Variants in RAB3B observed in about 807,000 individuals in gnomAD.
RAB3B encodes RAB3B, member RAS oncogene family.
RAB3B carries 11 observed loss-of-function variants against 20.5 expected under a neutral mutation model. The observed-to-expected ratio is 0.54, with a 90% CI of 0.34 to 0.89. The LOEUF is 0.89. RAB3B is among the 40% of genes least tolerant of loss of function. RAB3B has a pLI of 0.02. For missense variants in RAB3B, 225 were observed against 280.9 expected (o/e 0.80, Z 1.42); for synonymous variants, 99 against 106.3 (o/e 0.93, Z 0.42).
intron 2 of RAB3B, among the ~76,000 whole-genome samples, chr1:51,952,909 G>A (rs934012549): frequency 6.6e-6 from 1 of 151,950 alleles, no homozygotes; most frequent in African/African-American, 2.4e-5. Context: ...TCCTACACTG[G>A]CTCCTTATCC....
chr1:51,922,662 A>G (rs1274261162), intron 4 of RAB3B, among the ~76,000 whole-genome samples: 1 of 150,970 alleles, frequency 6.6e-6, no homozygotes, highest in Non-Finnish European at 1.5e-5. Context: ...AGGGTCAATC[A>G]ATAAGCCAGG....
chr1:51,971,680 C>T (rs1323816286), intron 2 of RAB3B, among the ~76,000 whole-genome samples: 6 of 152,096 alleles, frequency 3.9e-5, no homozygotes, highest in East Asian at 3.9e-4. Flanking sequence ...GATCCTCCCA[C>T]CTCAGCCTCC....
chr1:51,977,263 T>A (rs1343570164), intron 1 of RAB3B, 146 bp from the exon 2 acceptor site: 4 of 641,910 alleles, frequency 6.2e-6, no homozygotes, highest in African/African-American at 1.8e-5. Context: ...AATCACCCCA[T>A]CACTACACCT....
intron 3 of RAB3B, 114 bp downstream of exon 3, chr1:51,937,180 C>G (rs891790547): frequency 1.3e-6 from 1 of 768,474 alleles, no homozygotes; most frequent in East Asian, 2.8e-5. Flanking sequence ...ACTCCTGAGG[C>G]CAGTAACCAT....
chr1:51,969,732 A>T (rs1684903107), intron 2 of RAB3B, among the ~76,000 whole-genome samples: 1 of 152,190 alleles, frequency 6.6e-6, no homozygotes. Flanking sequence ...CTTAATAAAA[A>T]CTACGATTTG....
At chr1:51,971,837 G>A (rs1684940956) in intron 2 of RAB3B, among the ~76,000 whole-genome samples, 3 of 152,326 alleles carry the variant, frequency 2.0e-5, no homozygotes, top group African/African-American at 7.2e-5. Flanking sequence ...TTCACGCCCT[G>A]GGCAGGACAG....
At position 51,982,770 on chromosome 1, in the gene RAB3B, A is replaced by G. The variant is rs1205778665; in HGVS notation, c.1-5653T>C. On this transcript the variant is annotated intron_variant, in intron 1 of 4. Transcript: ENST00000371655. ...TCTCAAAAAAATAATAATAATAATA[A>G]TAAATAAAAAATAAAAGAGTCTAAG... Among the ~76,000 whole-genome samples, 7 of 151,770 alleles carry G rather than the reference A, an allele frequency of 4.6e-5. No homozygotes were observed. In the East Asian group the frequency reaches 1.2e-3, roughly 25 times the overall value.
Position 51,924,232 on chromosome 1 carries a change from C to T in RAB3B, c.473-4118G>A, listed in dbSNP as rs1056720349. ...GGACAGCAAGGTGAATCAGACACAGCCCTTACCTTTGAGGAGCCCCTAGTG... is the reference window on the plus strand; with the variant it reads ...GGACAGCAAGGTGAATCAGACACAGTCCTTACCTTTGAGGAGCCCCTAGTG... On this transcript the variant is annotated intron_variant, in intron 4 of 4. Coordinates refer to ENST00000371655, the MANE Select transcript of RAB3B (RefSeq NM_002867.4). Among the ~76,000 whole-genome samples, 32 of 152,084 alleles carry T rather than the reference C, an allele frequency of 2.1e-4. 1 individual carries two copies. Among genetic ancestry groups the T allele is most frequent in the Non-Finnish European group, 7.3e-5 (5 of 68,030 alleles).
At chr1:51,968,752 A>G (rs1684889472) in intron 2 of RAB3B, among the ~76,000 whole-genome samples, 1 of 152,194 alleles carries the variant, frequency 6.6e-6, no homozygotes, top group Non-Finnish European at 1.5e-5. Flanking sequence ...GTGACCTAAC[A>G]TTTCATGGAG....
At chr1:51,972,747 C>T (rs2124306455) in intron 2 of RAB3B, among the ~76,000 whole-genome samples, 1 of 152,252 alleles carries the variant, frequency 6.6e-6, no homozygotes, top group African/African-American at 2.4e-5. Flanking sequence ...CAGACATCAA[C>T]CCTACTGGCA....
Position 51,916,698 on chromosome 1 carries a change from G to A in RAB3B, c.*3229C>T, listed in dbSNP as rs1303680733. On this transcript the variant is annotated 3_prime_UTR_variant, in exon 5 of 5. Transcript: ENST00000371655. ...TGATAAGTGTTGCCTGGCAGAGGCA[G>A]ATACAGGGAAAGCCAGCACTTGGGA... is the stretch of plus-strand genomic sequence containing the variant. 1 of 152,242 alleles carries A rather than the reference G, an allele frequency of 6.6e-6. No homozygotes were observed. The highest frequency in any genetic ancestry group is 1.5e-5 in the Non-Finnish European group (1 of 68,032). The allele number at this position is 152,242 out of a possible 1,614,324, so 9.4% of individuals were successfully genotyped here.
At chr1:51,980,761 C>A (rs2124316520) in intron 1 of RAB3B, 8 of 754,476 alleles carry the variant, frequency 1.1e-5, no homozygotes, top group South Asian at 8.1e-5. Flanking sequence ...GGACCAAACA[C>A]CCCCACCCTG....
intron 4 of RAB3B, among the ~76,000 whole-genome samples, chr1:51,929,389 G>A (rs1294325626): frequency 1.3e-5 from 2 of 152,054 alleles, no homozygotes; most frequent in African/African-American, 2.4e-5. Context: ...GTGCAGTGGG[G>A]CAATCTCAGC....
chr1:51,976,341 A>AT (rs1685008967), intron 2 of RAB3B, among the ~76,000 whole-genome samples: 1 of 151,778 alleles, frequency 6.6e-6, no homozygotes, highest in South Asian at 2.1e-4. Flanking sequence ...AATTTGTTTT[A>AT]TTTTTTTGAG....
intron 3 of RAB3B, among the ~76,000 whole-genome samples, chr1:51,935,163 GATCTTGA>G (rs1264975896): frequency 6.6e-6 from 1 of 152,198 alleles, no homozygotes; most frequent in African/African-American, 2.4e-5. Flanking sequence ...TCCTGAAGCA[GATCTTGA>G]ATCTGACTCT....
intron 2 of RAB3B, among the ~76,000 whole-genome samples, chr1:51,960,409 G>T (rs879339588): frequency 1.3e-5 from 2 of 152,174 alleles, no homozygotes; most frequent in African/African-American, 4.8e-5. Flanking sequence ...TCAGCACAGA[G>T]CCCCTGCGTC....
chr1:51,947,417 T>A (rs1170158250), intron 2 of RAB3B, among the ~76,000 whole-genome samples: 1 of 151,346 alleles, frequency 6.6e-6, no homozygotes, highest in East Asian at 1.9e-4. Context: ...AAATTCAAAT[T>A]CTGTCTTGAC....
chr1:51,959,103 T>C (rs911648344), intron 2 of RAB3B, among the ~76,000 whole-genome samples: 1 of 152,126 alleles, frequency 6.6e-6, no homozygotes, highest in African/African-American at 2.4e-5. Flanking sequence ...CTGGTTAGTA[T>C]GGAAAGTTAA....
At chr1:51,943,084 A>G (rs1007317811) in intron 2 of RAB3B, among the ~76,000 whole-genome samples, 1 of 152,126 alleles carries the variant, frequency 6.6e-6, no homozygotes, top group African/African-American at 2.4e-5. Context: ...AATTAGGCCA[A>G]TTAATAACCC....
Sources: gnomAD v4.1 joint callset for allele counts (sites outside exome capture counted in the v4.1 genomes callset) on GRCh38, gnomAD v4.1.1 for gene constraint, MANE v1.5 for transcripts, NCBI Gene and HGNC (gene_info 2026-07-23, HGNC 2026-07-21) for gene names.